ADTRP: variants seen among roughly 807,000 people sequenced by gnomAD.
The protein encoded by ADTRP is androgen dependent TFPI regulating protein.
A neutral mutation model predicts 27.0 loss-of-function variants in ADTRP; 20 were observed. That is an observed-to-expected ratio of 0.74 (90% CI 0.52 to 1.08). The LOEUF (loss-of-function observed/expected upper bound fraction) is 1.08, where lower values mean the gene tolerates loss of function less well. Ranked by LOEUF, ADTRP falls within the 50% of genes least tolerant of loss-of-function variation. The pLI, the probability that ADTRP is intolerant of heterozygous loss-of-function variation, is 0.00. For missense variants in ADTRP, 251 were observed against 275.0 expected (o/e 0.91, Z 0.62); for synonymous variants, 101 against 105.2 (o/e 0.96, Z 0.25).
intron 1 of ADTRP, among the ~76,000 whole-genome samples, chr6:11,772,918 G>A (rs1204355212): frequency 6.6e-6 from 1 of 152,200 alleles, no homozygotes; most frequent in Non-Finnish European, 1.5e-5. Context: ...AGAGAAAAAT[G>A]AGACCAAGAG....
intron 3 of ADTRP, among the ~76,000 whole-genome samples, chr6:11,763,584 G>A (rs1763459964): frequency 6.6e-6 from 1 of 152,230 alleles, no homozygotes; most frequent in African/African-American, 2.4e-5. Flanking sequence ...GGCTGCCATA[G>A]TGGTGATTTC....
intron 4 of ADTRP, among the ~76,000 whole-genome samples, chr6:11,728,913 A>G (rs981860825): frequency 6.6e-6 from 1 of 152,164 alleles, no homozygotes; most frequent in Non-Finnish European, 1.5e-5. Flanking sequence ...TAATACTTTG[A>G]AGAGGCCAAT....
intron 1 of ADTRP, chr6:11,769,922 G>C (rs1763710651): frequency 8.4e-7 from 1 of 1,195,324 alleles, no homozygotes; most frequent in African/African-American, 1.5e-5. Flanking sequence ...TTCATTACTT[G>C]GTATGTGCCA....
At chr6:11,752,250 A>T (rs878953814) in intron 3 of ADTRP, among the ~76,000 whole-genome samples, 1 of 152,148 alleles carries the variant, frequency 6.6e-6, no homozygotes, top group Non-Finnish European at 1.5e-5. Context: ...AAATATTTTT[A>T]TTCAATGTTT....
intron 4 of ADTRP, among the ~76,000 whole-genome samples, chr6:11,729,868 A>AT (rs1330923615): frequency 4.6e-5 from 7 of 152,106 alleles, no homozygotes; most frequent in African/African-American, 1.7e-4. Context: ...TGGAATCACC[A>AT]TTTTTCTTGT....
rs1390134688 is a variant in ADTRP at position 11,714,387 on chromosome 6, C to CCACCA, written c.*86_*90dup. On this transcript the variant is annotated 3_prime_UTR_variant, in exon 6 of 6. Transcript: ENST00000414691. ...GTCCCTCCTACTTTGCTATGTTCCTCCACCACCTCCCTCCACCAGAAAAAA... is the reference window on the plus strand; with the variant it reads ...GTCCCTCCTACTTTGCTATGTTCCTCCACCACACCACCTCCCTCCACCAGAAAAAA... The CCACCA allele has an allele frequency of 1.4e-6, 2 of 1,466,256 alleles. No individual in the cohort carries two copies. The highest frequency in any genetic ancestry group is 4.0e-5 in the Admixed American group (2 of 50,318). 90.8% of individuals were successfully genotyped at this position (1,466,256 alleles called of 1,614,324 possible).
At position 11,759,895 on chromosome 6, in the gene ADTRP, C is replaced by T. The variant is rs1457343568; in HGVS notation, c.390+6379G>A. On this transcript the variant is annotated intron_variant, in intron 3 of 5. Transcript: ENST00000414691. ...GATGTGAAGATGGTGGAAGCAGAGG[C>T]TGCAGTGGTGTGCTTTGAAGGAGGA... Among the ~76,000 whole-genome samples the T allele has an allele frequency of 2.0e-5, 3 of 152,178 alleles. No homozygotes were observed. In the East Asian group the frequency reaches 5.8e-4, roughly 29 times the overall value.
At chr6:11,769,323 G>C (rs1763683938) in intron 1 of ADTRP, among the ~76,000 whole-genome samples, 1 of 152,164 alleles carries the variant, frequency 6.6e-6, no homozygotes, top group South Asian at 2.1e-4. Context: ...CTGGGGAGCT[G>C]GGCTGGGGAT....
At chr6:11,750,371 A>T (rs374579210) in intron 3 of ADTRP, among the ~76,000 whole-genome samples, 31 of 152,332 alleles carry the variant, frequency 2.0e-4, no homozygotes, top group African/African-American at 7.0e-4. Context: ...TTGTGTGCAT[A>T]ACTTCCATGC....
intron 1 of ADTRP, among the ~76,000 whole-genome samples, chr6:11,771,957 T>C (rs1414415265): frequency 6.6e-6 from 1 of 152,202 alleles, no homozygotes; most frequent in Non-Finnish European, 1.5e-5. Flanking sequence ...TCAATTTCTG[T>C]TGTGTAAGCC....
At chr6:11,735,719 G>A (rs1419467047) in intron 3 of ADTRP, 36 bp from the exon 4 acceptor site, 1 of 1,430,986 alleles carries the variant, frequency 7.0e-7, no homozygotes, top group Admixed American at 1.7e-5. Flanking sequence ...GAATGGCAGG[G>A]TGTCCAGGGT....
intron 1 of ADTRP, among the ~76,000 whole-genome samples, chr6:11,768,733 C>G (rs1763654296): frequency 6.6e-6 from 1 of 152,094 alleles, no homozygotes; most frequent in Non-Finnish European, 1.5e-5. Flanking sequence ...ATAAACAGCT[C>G]AAAGGCAAAG....
intron 1 of ADTRP, among the ~76,000 whole-genome samples, chr6:11,777,645 G>GC (rs1167971024): frequency 6.6e-6 from 1 of 152,048 alleles, no homozygotes; most frequent in Non-Finnish European, 1.5e-5. Flanking sequence ...AATTTTTCAG[G>GC]CCCAAATCAA....
chr6:11,714,427 A>G lies in ADTRP; in HGVS notation c.*51T>C. ...ACCAGAAAAAAAAAAAAAAGATGAG[A>G]AAAATCTCTTGTGTTTTCTTCTTTC... On this transcript the variant is annotated 3_prime_UTR_variant, in exon 6 of 6. Transcript: ENST00000414691. The G allele has an allele frequency of 6.4e-7, 1 of 1,574,280 alleles. No homozygotes were observed. The highest frequency in any genetic ancestry group is 8.6e-7 in the Non-Finnish European group (1 of 1,161,574).
intron 1 of ADTRP, among the ~76,000 whole-genome samples, chr6:11,770,549 CG>C (rs1391711163): frequency 6.6e-6 from 1 of 151,840 alleles, no homozygotes; most frequent in South Asian, 2.1e-4. Flanking sequence ...AAAGAACGGC[CG>C]GGGGTAGAAG....
At chr6:11,752,282 T>A (rs1467477473) in intron 3 of ADTRP, among the ~76,000 whole-genome samples, 1 of 152,220 alleles carries the variant, frequency 6.6e-6, no homozygotes, top group Non-Finnish European at 1.5e-5. Flanking sequence ...TGAAATATTT[T>A]TTTTTCATGT....
intron 4 of ADTRP, among the ~76,000 whole-genome samples, chr6:11,730,337 GGAT>G (rs1762345681): frequency 6.6e-6 from 1 of 152,208 alleles, no homozygotes; most frequent in South Asian, 2.1e-4. Context: ...TGGTTGACCT[GGAT>G]GATCTCAGTT....
chr6:11,743,306 CTT>C (rs1418813053), intron 3 of ADTRP, among the ~76,000 whole-genome samples: 9 of 152,322 alleles, frequency 5.9e-5, no homozygotes, highest in Non-Finnish European at 1.2e-4. Flanking sequence ...CATTTTGACT[CTT>C]TTTCTTGTGC....
In ADTRP at chr6:11,723,316, G is replaced by C. The variant is rs56251908; in HGVS notation, c.658+33C>G. The C allele has an allele frequency of 2.5e-6, 4 of 1,609,108 alleles. No homozygotes were observed. The South Asian group carries it at 4.4e-5, about 18-fold the overall frequency. ...AAGGGGAGAGGCAGACACGGAAGAA[G>C]CGCATCTGTAGCTAAGAAAGAAATA... On this transcript the variant is annotated intron_variant, in intron 5 of 5. Coordinates refer to ENST00000414691, the MANE Select transcript of ADTRP (RefSeq NM_032744.4).
Sources: gnomAD v4.1 joint callset for allele counts (sites outside exome capture counted in the v4.1 genomes callset) on GRCh38, gnomAD v4.1.1 for gene constraint, MANE v1.5 for transcripts, NCBI Gene and HGNC (gene_info 2026-07-23, HGNC 2026-07-21) for gene names.